The following KANK1 variants were observed in gnomAD, a reference collection of about 807,000 sequenced individuals.
The protein encoded by KANK1 is KN motif and ankyrin repeat domain-containing protein 1.
KANK1 carries 109 observed loss-of-function variants against 106.2 expected under a neutral mutation model. The observed-to-expected ratio is 1.03, with a 90% CI of 0.88 to 1.20. KANK1 has a LOEUF of 1.20. KANK1 is among the 50% of genes most tolerant of loss of function. The pLI, the probability that KANK1 is intolerant of heterozygous loss-of-function variation, is 0.00. For missense variants in KANK1, 2,399 were observed against 1,710.7 expected (o/e 1.40, Z -7.10); for synonymous variants, 873 against 652.2 (o/e 1.34, Z -5.16).
intron 2 of KANK1, chr9:707,223 CG>C (rs1253685417): frequency 2.0e-6 from 2 of 986,030 alleles, no homozygotes; most frequent in Non-Finnish European, 1.2e-6. Context: ...CGCGGGCTGG[CG>C]GGGAGCGCGG....
chr9:660,269 G>T, intron 1 of KANK1: 1 of 236,350 alleles, frequency 4.2e-6, no homozygotes. Flanking sequence ...ACATGTGCCA[G>T]TTCCTCTTAG....
intron 2 of KANK1, among the ~76,000 whole-genome samples, chr9:709,097 T>A (rs978957492): frequency 6.6e-6 from 1 of 152,198 alleles, no homozygotes; most frequent in African/African-American, 2.4e-5. Flanking sequence ...TTTGAACTCA[T>A]GACAATACAA....
intron 3 of KANK1, among the ~76,000 whole-genome samples, chr9:499,523 T>C (rs2058514243): frequency 6.6e-6 from 1 of 152,116 alleles, no homozygotes; most frequent in Non-Finnish European, 1.5e-5. Context: ...TTGGAGATCC[T>C]CCACCGCCGA....
chr9:521,007 T>G (rs1452084610), intron 1 of KANK1, among the ~76,000 whole-genome samples: 1 of 151,806 alleles, frequency 6.6e-6, no homozygotes, highest in Non-Finnish European at 1.5e-5. Flanking sequence ...ATGGGGCCTT[T>G]TGACAGAAAT....
At chr9:532,363 A>AC (rs2060100533) in intron 1 of KANK1, among the ~76,000 whole-genome samples, 1 of 78,344 alleles carries the variant, frequency 1.3e-5, no homozygotes. Flanking sequence ...TGCCTCAAGC[A>AC]CTTTTTTTTT....
intron 1 of KANK1, among the ~76,000 whole-genome samples, chr9:588,538 A>G (rs928172743): frequency 6.6e-6 from 1 of 152,132 alleles, no homozygotes; most frequent in Non-Finnish European, 1.5e-5. Flanking sequence ...ATATTGAAGT[A>G]CCTGGTAACT....
intron 1 of KANK1, among the ~76,000 whole-genome samples, chr9:632,409 G>C (rs1301754293): frequency 6.6e-6 from 1 of 152,114 alleles, no homozygotes; most frequent in Admixed American, 6.5e-5. Flanking sequence ...TAAAATGAAA[G>C]TTGAATGGAA....
At chr9:627,059 A>G (rs1462360962) in intron 1 of KANK1, among the ~76,000 whole-genome samples, 2 of 151,876 alleles carry the variant, frequency 1.3e-5, no homozygotes, top group Non-Finnish European at 2.9e-5. Context: ...AAGGGGGAAA[A>G]AAAGGTGGGG....
At chr9:616,652 C>A (rs1022937133) in intron 1 of KANK1, among the ~76,000 whole-genome samples, 22 of 152,312 alleles carry the variant, frequency 1.4e-4, no homozygotes, top group African/African-American at 5.1e-4. Flanking sequence ...AGTAATTATT[C>A]TGCAAGACCC....
chr9:739,579 C>T lies in KANK1; in HGVS notation c.3553+1075C>T, dbSNP rs1002940242. ...CAGGCTTTCTAGACTATAAACAGAG[C>T]TGGTGATACAGTCAGCCAGAGTGAT... is the stretch of plus-strand genomic sequence containing the variant. On this transcript the variant is annotated intron_variant, in intron 8 of 11. Transcript: ENST00000382297. Among the ~76,000 whole-genome samples, 3 of 152,288 alleles carry T rather than the reference C, an allele frequency of 2.0e-5. No homozygotes were observed. The East Asian group carries it at 5.8e-4, about 29-fold the overall frequency.
intron 1 of KANK1, among the ~76,000 whole-genome samples, chr9:524,839 T>C (rs2059711418): frequency 6.6e-6 from 1 of 151,564 alleles, no homozygotes; most frequent in Non-Finnish European, 1.5e-5. Flanking sequence ...TGATCAGTGT[T>C]CTGAAATAGT....
At chr9:606,163 AC>A (rs1196039605) in intron 1 of KANK1, among the ~76,000 whole-genome samples, 3 of 151,026 alleles carry the variant, frequency 2.0e-5, no homozygotes, top group African/African-American at 4.9e-5. Flanking sequence ...ACACACACAC[AC>A]ACACACACAC....
intron 2 of KANK1, among the ~76,000 whole-genome samples, chr9:681,826 T>G (rs185151671): frequency 1.7e-4 from 26 of 152,310 alleles, no homozygotes; most frequent in East Asian, 1.9e-4. Flanking sequence ...GGGAGGTGAC[T>G]TTTTATGCCT....
intron 1 of KANK1, among the ~76,000 whole-genome samples, chr9:675,703 C>A (rs1365954495): frequency 6.6e-6 from 1 of 152,094 alleles, no homozygotes. Flanking sequence ...ACCCCAAGAT[C>A]TTGGATCTCT....
intron 1 of KANK1, among the ~76,000 whole-genome samples, chr9:558,208 G>C (rs1447243965): frequency 6.6e-6 from 1 of 152,174 alleles, no homozygotes; most frequent in African/African-American, 2.4e-5. Flanking sequence ...ACTTGGAGCT[G>C]TTCTGTTATA....
intron 1 of KANK1, among the ~76,000 whole-genome samples, chr9:596,195 C>G (rs1316909774): frequency 6.6e-6 from 1 of 151,818 alleles, no homozygotes; most frequent in Non-Finnish European, 1.5e-5. Context: ...TGTCAGCATT[C>G]AAAAAGTGTT....
intron 1 of KANK1, among the ~76,000 whole-genome samples, chr9:626,015 A>G (rs765045894): frequency 3.9e-5 from 6 of 152,112 alleles, no homozygotes; most frequent in Non-Finnish European, 7.3e-5. Flanking sequence ...CCATTTGTGC[A>G]TTCTACAGCT....
intron 1 of KANK1, among the ~76,000 whole-genome samples, chr9:608,247 C>T (rs1444053664): frequency 6.6e-6 from 1 of 150,624 alleles, no homozygotes; most frequent in Non-Finnish European, 1.5e-5. Flanking sequence ...CCTTGTTAGC[C>T]AGGATGGTCT....
chr9:524,734 C>T (rs2059705642), intron 1 of KANK1, among the ~76,000 whole-genome samples: 1 of 151,488 alleles, frequency 6.6e-6, no homozygotes, highest in Non-Finnish European at 1.5e-5. Context: ...GCCAGCTGGT[C>T]TCAAACTCCT....
Sources: gnomAD v4.1 joint callset for allele counts (sites outside exome capture counted in the v4.1 genomes callset) on GRCh38, gnomAD v4.1.1 for gene constraint, MANE v1.5 for transcripts, NCBI Gene and HGNC (gene_info 2026-07-23, HGNC 2026-07-21) for gene names.